EVC2: variants seen among roughly 807,000 people sequenced by gnomAD.
The protein encoded by EVC2 is EvC ciliary complex subunit 2.
Under a neutral mutation model 149.3 loss-of-function variants are expected in EVC2, and 148 were observed. That is an observed-to-expected ratio of 0.99 (90% CI 0.87 to 1.14). The LOEUF (loss-of-function observed/expected upper bound fraction) is 1.14. Ranked by LOEUF, EVC2 falls within the 50% of genes most tolerant of loss-of-function variation. The probability of loss-of-function intolerance (pLI) is 0.00; values close to 1 mark genes in which losing one functional copy is unlikely to be tolerated. For synonymous variants in EVC2, 776 were observed against 649.9 expected (o/e 1.19, Z -2.95); for missense variants, 1,854 against 1,627.3 (o/e 1.14, Z -2.40).
At chr4:5,611,636 T>G (rs974724499) in intron 16 of EVC2, among the ~76,000 whole-genome samples, 1 of 151,956 alleles carries the variant, frequency 6.6e-6, no homozygotes. Flanking sequence ...ATGTGAGATA[T>G]AAAGCACTGA....
At chr4:5,563,951 A>G (rs908927833) in intron 21 of EVC2, among the ~76,000 whole-genome samples, 3 of 152,102 alleles carry the variant, frequency 2.0e-5, no homozygotes, top group African/African-American at 7.2e-5. Context: ...TGGGCAGTCC[A>G]ACCCCTGACT....
At chr4:5,608,879 C>G (rs185533576) in intron 16 of EVC2, among the ~76,000 whole-genome samples, 2 of 152,120 alleles carry the variant, frequency 1.3e-5, no homozygotes, top group East Asian at 3.9e-4. Context: ...ATTACCCTCC[C>G]CAATGTTGGT....
intron 1 of EVC2, among the ~76,000 whole-genome samples, chr4:5,704,040 C>T (rs1035175074): frequency 3.3e-5 from 5 of 152,000 alleles, no homozygotes; most frequent in Admixed American, 6.6e-5. Context: ...CTGAGCAGGG[C>T]GAGTGAGTGG....
intron 3 of EVC2, among the ~76,000 whole-genome samples, chr4:5,691,885 G>A (rs963731561): frequency 6.6e-6 from 1 of 152,202 alleles, no homozygotes; most frequent in Non-Finnish European, 1.5e-5. Context: ...TCAAACACAA[G>A]CCTCCTGTTG....
At chr4:5,658,784 C>T (rs941562681) in intron 9 of EVC2, among the ~76,000 whole-genome samples, 3 of 152,212 alleles carry the variant, frequency 2.0e-5, no homozygotes, top group African/African-American at 7.2e-5. Context: ...GCTTCCTGGT[C>T]TAAAACGAGA....
chr4:5,583,052 T>C (rs1711944859), intron 17 of EVC2, among the ~76,000 whole-genome samples: 1 of 152,170 alleles, frequency 6.6e-6, no homozygotes, highest in Non-Finnish European at 1.5e-5. Flanking sequence ...AGTCTCAGGG[T>C]ATTTCTTATA....
chr4:5,608,899 C>T (rs977868213), intron 16 of EVC2, among the ~76,000 whole-genome samples: 2 of 152,116 alleles, frequency 1.3e-5, no homozygotes, highest in Non-Finnish European at 1.5e-5. Context: ...TGGCTGTCAT[C>T]GAATCCCCAG....
intron 15 of EVC2, among the ~76,000 whole-genome samples, chr4:5,616,768 AG>A (rs1021271082): frequency 6.6e-6 from 1 of 152,210 alleles, no homozygotes; most frequent in African/African-American, 2.4e-5. Context: ...GTGCTGGCCC[AG>A]CCTTCCCTCT....
At chr4:5,556,600 G>A (rs966893757) in intron 21 of EVC2, among the ~76,000 whole-genome samples, 2 of 151,916 alleles carry the variant, frequency 1.3e-5, no homozygotes, top group Admixed American at 6.6e-5. Context: ...TAGAGCAAAA[G>A]TCAGCAAAAA....
At chr4:5,550,155 T>C (rs536108461) in intron 21 of EVC2, among the ~76,000 whole-genome samples, 1 of 152,294 alleles carries the variant, frequency 6.6e-6, no homozygotes, top group East Asian at 1.9e-4. Flanking sequence ...AGTGGGGTGC[T>C]GCTGAAAAGA....
rs1453171993 is a variant in EVC2 at position 5,625,173 on chromosome 4, G to T, written c.2046+576C>A. ...GTAACCCCTTAGCACGGCACACCAT[G>T]CCCCCATTGACTTGCTGCTGCATTC... On this transcript the variant is annotated intron_variant, in intron 13 of 21. Coordinates refer to ENST00000344408, the MANE Select transcript of EVC2 (RefSeq NM_147127.5). The surrounding 1 kb of genome is among the most constrained non-coding windows in gnomAD (Gnocchi z 4.0). 6.6e-6 allele frequency among the ~76,000 whole-genome samples: 1 copy of T among 152,022 alleles called. No individual in the cohort carries two copies. Among genetic ancestry groups the T allele is most frequent in the African/African-American group, 2.4e-5 (1 of 41,472 alleles).
intron 16 of EVC2, among the ~76,000 whole-genome samples, chr4:5,588,048 G>T (rs1208295463): frequency 6.6e-6 from 1 of 152,070 alleles, no homozygotes; most frequent in Non-Finnish European, 1.5e-5. Context: ...AAATCCTTCT[G>T]CCTGATTTCC....
chr4:5,604,784 A>G (rs1255404209), intron 16 of EVC2, among the ~76,000 whole-genome samples: 1 of 152,122 alleles, frequency 6.6e-6, no homozygotes, highest in Non-Finnish European at 1.5e-5. Flanking sequence ...CATCCTATGT[A>G]TGTAACAAAA....
In EVC2 at chr4:5,625,307, T is replaced by TACAC. The variant is rs71171407; in HGVS notation, c.2046+438_2046+441dup. Reference sequence around the variant, plus strand: ...CTTACTAGATATTTGACCTTGACCATACACACACACACACACACACACACA... The same window carrying TACAC: ...CTTACTAGATATTTGACCTTGACCATACACACACACACACACACACACACACACA... On this transcript the variant is annotated intron_variant, in intron 13 of 21. Coordinates refer to ENST00000344408, the MANE Select transcript of EVC2 (RefSeq NM_147127.5). This position sits in a 1 kb window ranked among gnomAD's most constrained non-coding sequence, Gnocchi z 4.0. Among the ~76,000 whole-genome samples, 603 of 139,864 alleles carry TACAC rather than the reference T, an allele frequency of 4.3e-3. No homozygotes were observed. The highest frequency in any genetic ancestry group is 0.021 in the Middle Eastern group (5 of 242). 91.8% of individuals were successfully genotyped at this position (139,864 alleles called of 152,430 possible).
In EVC2 at chr4:5,584,630, T is replaced by C; in HGVS notation, c.3050A>G (p.His1017Arg). 6.2e-7 allele frequency: 1 copy of C among 1,613,168 alleles called. No individual in the cohort carries two copies. Among genetic ancestry groups the C allele is most frequent in the Non-Finnish European group, 8.5e-7 (1 of 1,179,646 alleles). Residue 1017 changes from histidine (H) to arginine (R), a missense_variant, in exon 17 of 22, where the codon CAC (histidine) becomes CGC (arginine). By Grantham distance (29) the His-to-Arg change is conservative. Coordinates refer to ENST00000344408, the MANE Select transcript of EVC2 (RefSeq NM_147127.5). ...CCCAGCGCCTGCACTCACCCGGCTGTGCGACTCCAGGATCTGTGTGCAGGC... is the reference window on the plus strand; with the variant it reads ...CCCAGCGCCTGCACTCACCCGGCTGCGCGACTCCAGGATCTGTGTGCAGGC... ...KSACTQILES[H>R]SRELQELERK...
At chr4:5,665,456 G>C in intron 8 of EVC2, 59 bp downstream of exon 8, 1 of 1,610,628 alleles carries the variant, frequency 6.2e-7, no homozygotes. Context: ...CACAGAACTG[G>C]GGGATGAACT....
At chr4:5,669,121 G>A (rs1373372457) in intron 7 of EVC2, among the ~76,000 whole-genome samples, 1 of 152,204 alleles carries the variant, frequency 6.6e-6, no homozygotes, top group Non-Finnish European at 1.5e-5. Context: ...AGAGGCAAAG[G>A]AAGATGCTTC....
intron 19 of EVC2, among the ~76,000 whole-genome samples, chr4:5,568,927 G>A (rs1722479770): frequency 6.6e-6 from 1 of 152,308 alleles, no homozygotes. Flanking sequence ...GCAGCAGGGT[G>A]ATTCAAAATG....
At chr4:5,558,591 A>C (rs1721882740), downstream of EVC2, among the ~76,000 whole-genome samples, 2 of 152,246 alleles carry the variant, frequency 1.3e-5, no homozygotes, top group Admixed American at 1.3e-4. Context: ...ACATCATTTA[A>C]GAAATCCAGA....
Sources: gnomAD v4.1 joint callset for allele counts (sites outside exome capture counted in the v4.1 genomes callset) on GRCh38, gnomAD v4.1.1 for gene constraint, Gnocchi (gnomAD v3.1) non-coding constraint, MANE v1.5 for transcripts, NCBI Gene and HGNC (gene_info 2026-07-23, HGNC 2026-07-21) for gene names.